CSF2RA: variants seen among roughly 807,000 people sequenced by gnomAD.
CSF2RA encodes colony stimulating factor 2 receptor subunit alpha.
In CSF2RA, 42 loss-of-function variants were observed where a neutral mutation model predicts 51.6. That is an observed-to-expected ratio of 0.81 (90% CI 0.64 to 1.05). CSF2RA has a LOEUF of 1.05. Among genes scored for constraint, CSF2RA ranks in the 50% least tolerant of loss-of-function variants. The pLI, the probability that CSF2RA is intolerant of heterozygous loss-of-function variation, is 0.00. For synonymous variants in CSF2RA, 222 were observed against 193.0 expected, an observed-to-expected ratio of 1.15 and a Z score of -1.24; for missense variants, 530 against 501.1, an observed-to-expected ratio of 1.06 and a Z score of -0.55.
At chrX:1,321,336 G>A in the CSF2RA span, among the ~76,000 whole-genome samples, 1 of 152,038 alleles carries the variant, frequency 6.6e-6, no homozygotes, top group South Asian at 2.1e-4. Context: ...GGGCGACGTG[G>A]CAAGCTCCTG....
At chrX:1,314,521 CCCAA>C (rs2084404219), downstream of CSF2RA, among the ~76,000 whole-genome samples, 1 of 110,108 alleles carries the variant, frequency 9.1e-6, no homozygotes, top group Non-Finnish European at 1.9e-5. Context: ...ACTGCACCTG[CCCAA>C]TCCCACTGCA....
At chrX:1,283,145 T>A (rs1375156079) in intron 3 of CSF2RA, among the ~76,000 whole-genome samples, 3 of 90,816 alleles carry the variant, frequency 3.3e-5, no homozygotes, top group Admixed American at 1.5e-4. Context: ...CTTCCTTCCT[T>A]CCTTCCTTCG....
intron 7 of CSF2RA, 70 bp from the exon 8 acceptor site, chrX:1,294,258 C>T (rs2091699649): frequency 6.9e-6 from 11 of 1,591,760 alleles, no homozygotes; most frequent in Middle Eastern, 2.2e-4. Context: ...GACTCTGCAC[C>T]ACCTCCACCT....
At chrX:1,318,979 A>AT in the CSF2RA span, among the ~76,000 whole-genome samples, 974 of 150,018 alleles carry the variant, frequency 6.5e-3, 12 homozygotes, top group African/African-American at 0.023. Context: ...ATGATCCTTT[A>AT]TTTATTTTAT....
chrX:1,315,280 G>T (rs2084527360), downstream of CSF2RA, among the ~76,000 whole-genome samples: 1 of 152,016 alleles, frequency 6.6e-6, no homozygotes, highest in Admixed American at 6.6e-5. Context: ...ACAGATAGAT[G>T]ATTGATAGAT....
intron 9 of CSF2RA, among the ~76,000 whole-genome samples, chrX:1,296,363 C>A (rs2091957284): frequency 9.6e-6 from 1 of 104,426 alleles, no homozygotes. Flanking sequence ...CCTACAGTCC[C>A]CTACTCACGA....
At chrX:1,311,689 C>G (rs1313549641), downstream of CSF2RA, among the ~76,000 whole-genome samples, 5 of 152,162 alleles carry the variant, frequency 3.3e-5, no homozygotes, top group African/African-American at 1.2e-4. Context: ...GATCCGCCCC[C>G]CTTGGCGTCT....
chrX:1,324,580 GAAAGAA>G, the CSF2RA span, among the ~76,000 whole-genome samples: 4 of 149,668 alleles, frequency 2.7e-5, no homozygotes, highest in Admixed American at 2.0e-4. Context: ...AGGAAGGAAA[GAAAGAA>G]AGAGAAAGAG....
At chrX:1,302,411 A>G (rs2083083022) in intron 10 of CSF2RA, among the ~76,000 whole-genome samples, 1 of 152,160 alleles carries the variant, frequency 6.6e-6, no homozygotes, top group African/African-American at 2.4e-5. Context: ...TACCTCCCAG[A>G]TCACACAGAC....
At chrX:1,301,009 C>G (rs1481826343) in intron 10 of CSF2RA, among the ~76,000 whole-genome samples, 1 of 151,262 alleles carries the variant, frequency 6.6e-6, no homozygotes, top group East Asian at 1.9e-4. Context: ...CAAAATTAGC[C>G]CAGCATTGTG....
the CSF2RA span, among the ~76,000 whole-genome samples, chrX:1,315,784 T>C: frequency 3.8e-5 from 3 of 78,062 alleles, no homozygotes; most frequent in South Asian, 1.0e-3. Context: ...GATAGATAGA[T>C]AGATAGATAG....
At chrX:1,320,621 C>G in the CSF2RA span, among the ~76,000 whole-genome samples, 2 of 151,162 alleles carry the variant, frequency 1.3e-5, no homozygotes, top group African/African-American at 2.4e-5. Context: ...CCTCAGCCTC[C>G]TGAGTAGCTG....
chrX:1,322,440 T>TTTG, the CSF2RA span, among the ~76,000 whole-genome samples: 1 of 10,950 alleles, frequency 9.1e-5, no homozygotes, highest in Non-Finnish European at 2.3e-4. Context: ...TGTGTGTTTG[T>TTTG]TTTTTTTTTT....
chrX:1,314,349 G>A (rs1408640700), downstream of CSF2RA, among the ~76,000 whole-genome samples: 3 of 140,740 alleles, frequency 2.1e-5, no homozygotes, highest in African/African-American at 8.0e-5. Flanking sequence ...CACTGCGCCT[G>A]CCCAACCCCA....
At chrX:1,305,980 G>T in intron 12 of CSF2RA, 1 of 590,084 alleles carries the variant, frequency 1.7e-6, no homozygotes, top group Non-Finnish European at 3.0e-6. Flanking sequence ...GACTCGGGAG[G>T]CTGGGGCAGT....
At chrX:1,298,863 AG>A (rs1569508058) in intron 9 of CSF2RA, among the ~76,000 whole-genome samples, 1 of 152,110 alleles carries the variant, frequency 6.6e-6, no homozygotes, top group East Asian at 1.9e-4. Flanking sequence ...GTAGACAAGA[AG>A]GAGAGCCTGC....
At chrX:1,293,279 C>T (rs1466646900) in intron 7 of CSF2RA, among the ~76,000 whole-genome samples, 9 of 152,090 alleles carry the variant, frequency 5.9e-5, no homozygotes, top group South Asian at 4.1e-4. Flanking sequence ...AGGGCAGTGG[C>T]GGGATCTCGG....
chrX:1,322,271 A>G, the CSF2RA span, among the ~76,000 whole-genome samples: 1 of 138,498 alleles, frequency 7.2e-6, no homozygotes. Context: ...TCACCCGGCT[A>G]TTTTTTTTTT....
At chrX:1,303,367 A>G (rs776037131) in intron 10 of CSF2RA, 3 of 424,024 alleles carry the variant, frequency 7.1e-6, no homozygotes, top group East Asian at 6.8e-5. Flanking sequence ...TCCCAGGTAG[A>G]TAGGATTACA....
Sources: allele counts gnomAD v4.1 joint callset (sites outside exome capture counted in the v4.1 genomes callset), GRCh38; gene constraint gnomAD v4.1.1; transcripts MANE v1.5; gene names NCBI Gene and HGNC (gene_info 2026-07-23, HGNC 2026-07-21).